CCSER1: variants seen among roughly 807,000 people sequenced by gnomAD.
CCSER1 encodes the protein serine-rich coiled-coil domain-containing protein 1.
CCSER1 carries 41 observed loss-of-function variants against 82.0 expected under a neutral mutation model. That is an observed-to-expected ratio of 0.50 (90% CI 0.39 to 0.65). The LOEUF is 0.65. Among genes scored for constraint, CCSER1 ranks in the 30% least tolerant of loss-of-function variants. The pLI, the probability that CCSER1 is intolerant of heterozygous loss-of-function variation, is 0.00. For missense variants in CCSER1, 1,119 were observed against 1,064.2 expected, an observed-to-expected ratio of 1.05 and a Z score of -0.72; for synonymous variants, 414 against 383.9, an observed-to-expected ratio of 1.08 and a Z score of -0.92.
chr4:90,579,803 G>T (rs760832385), intron 5 of CCSER1, among the ~76,000 whole-genome samples: 1 of 149,222 alleles, frequency 6.7e-6, no homozygotes, highest in Non-Finnish European at 1.5e-5. Flanking sequence ...GGCCTTTTGT[G>T]CAGTTTGACA....
At chr4:90,749,074 G>T (rs997345177) in intron 7 of CCSER1, among the ~76,000 whole-genome samples, 4 of 151,794 alleles carry the variant, frequency 2.6e-5, no homozygotes, top group Non-Finnish European at 4.4e-5. Flanking sequence ...GGCTTTTGTT[G>T]CCGTTGCTTT....
chr4:91,181,998 C>A (rs769073330), intron 10 of CCSER1, among the ~76,000 whole-genome samples: 1 of 152,118 alleles, frequency 6.6e-6, no homozygotes, highest in African/African-American at 2.4e-5. Flanking sequence ...TGGTGATAAC[C>A]GCTGTCATAG....
chr4:91,033,185 TA>T (rs1445414790), intron 9 of CCSER1, among the ~76,000 whole-genome samples: 1 of 152,038 alleles, frequency 6.6e-6, no homozygotes, highest in Non-Finnish European at 1.5e-5. Flanking sequence ...ATGGTTTAAA[TA>T]AAGATATTCT....
At chr4:91,296,219 T>G (rs1744150243) in intron 10 of CCSER1, among the ~76,000 whole-genome samples, 1 of 151,534 alleles carries the variant, frequency 6.6e-6, no homozygotes, top group Admixed American at 6.6e-5. Context: ...GGCTTAAGTT[T>G]CTGGCAGCCA....
chr4:90,579,286 G>C (rs1486158035), intron 5 of CCSER1, among the ~76,000 whole-genome samples: 1 of 152,070 alleles, frequency 6.6e-6, no homozygotes, highest in African/African-American at 2.4e-5. Flanking sequence ...GCTCTACTAG[G>C]ATTCTTGTAA....
chr4:91,291,013 C>T (rs116072953), intron 10 of CCSER1, among the ~76,000 whole-genome samples: 3,388 of 151,622 alleles, frequency 0.022, 45 homozygotes, highest in Non-Finnish European at 0.031. Flanking sequence ...TCTCTTAGAA[C>T]TTTGACTTTT....
chr4:91,521,324 G>C (rs558074542), intron 10 of CCSER1, among the ~76,000 whole-genome samples: 9 of 152,184 alleles, frequency 5.9e-5, no homozygotes, highest in African/African-American at 2.2e-4. Context: ...ATTGTGAATA[G>C]TGCCGCAATA....
chr4:90,481,828 T>G (rs1338503258), intron 5 of CCSER1, among the ~76,000 whole-genome samples: 1 of 152,192 alleles, frequency 6.6e-6, no homozygotes, highest in Non-Finnish European at 1.5e-5. Flanking sequence ...GGTCTAAAAT[T>G]CTCTTTTTTT....
intron 10 of CCSER1, among the ~76,000 whole-genome samples, chr4:91,408,652 T>C (rs1752845666): frequency 6.6e-6 from 1 of 152,224 alleles, no homozygotes; most frequent in Non-Finnish European, 1.5e-5. Context: ...TTGGCTTTGC[T>C]GCTGGGGCAT....
chr4:90,228,870 A>G (rs1372488625), intron 1 of CCSER1, among the ~76,000 whole-genome samples: 1 of 152,254 alleles, frequency 6.6e-6, no homozygotes, highest in Non-Finnish European at 1.5e-5. Flanking sequence ...AAAGGGTATC[A>G]GCGATGGAAG....
At chr4:91,129,599 A>G (rs1248612010) in intron 10 of CCSER1, among the ~76,000 whole-genome samples, 1 of 152,154 alleles carries the variant, frequency 6.6e-6, no homozygotes, top group East Asian at 1.9e-4. Context: ...CAAAATAAGA[A>G]TGTCTATAGA....
intron 1 of CCSER1, among the ~76,000 whole-genome samples, chr4:90,158,350 G>A (rs1205939516): frequency 6.6e-6 from 1 of 152,186 alleles, no homozygotes; most frequent in East Asian, 1.9e-4. Context: ...TGAGGAGGCC[G>A]TCTGCCCGTT....
At chr4:91,101,875 G>C (rs866932834) in intron 10 of CCSER1, among the ~76,000 whole-genome samples, 2 of 152,110 alleles carry the variant, frequency 1.3e-5, no homozygotes, top group Admixed American at 1.3e-4. Context: ...TTCTCATCAC[G>C]GATAAGTGGA....
At chr4:91,430,731 T>A (rs537564062) in intron 10 of CCSER1, among the ~76,000 whole-genome samples, 224 of 152,356 alleles carry the variant, frequency 1.5e-3, no homozygotes, top group African/African-American at 5.1e-3. Context: ...ATGTACTACA[T>A]ATTTCTTTTC....
At chr4:90,587,016 CG>C (rs1782098962) in intron 5 of CCSER1, among the ~76,000 whole-genome samples, 2 of 152,060 alleles carry the variant, frequency 1.3e-5, no homozygotes, top group Non-Finnish European at 1.5e-5. Flanking sequence ...AAAAGTGAAA[CG>C]GGGGGAGGCA....
chr4:91,167,172 A>G (rs1177829570), intron 10 of CCSER1, among the ~76,000 whole-genome samples: 3 of 149,514 alleles, frequency 2.0e-5, no homozygotes, highest in Non-Finnish European at 4.4e-5. Flanking sequence ...AATACATGAC[A>G]AGAATTGCAA....
At chr4:90,923,754 T>G (rs1476314909) in intron 9 of CCSER1, among the ~76,000 whole-genome samples, 1 of 152,220 alleles carries the variant, frequency 6.6e-6, no homozygotes, top group African/African-American at 2.4e-5. Flanking sequence ...ATTTATTTTT[T>G]AAGAAAATAT....
chr4:90,460,695 T>C (rs551169069), intron 4 of CCSER1, among the ~76,000 whole-genome samples: 95 of 152,330 alleles, frequency 6.2e-4, no homozygotes, highest in African/African-American at 2.3e-3. Flanking sequence ...TAGAATACTT[T>C]TAAATTTAAA....
intron 10 of CCSER1, among the ~76,000 whole-genome samples, chr4:91,345,059 G>T (rs6532300): frequency 0.41 from 61,882 of 151,958 alleles, 12,977 homozygotes; most frequent in East Asian, 0.74. Flanking sequence ...CCTTGAAGAA[G>T]GAAGCACTTT....
Sources: allele counts gnomAD v4.1 joint callset (sites outside exome capture counted in the v4.1 genomes callset), GRCh38; gene constraint gnomAD v4.1.1; transcripts MANE v1.5; gene names NCBI Gene and HGNC (gene_info 2026-07-23, HGNC 2026-07-21).